The following JADE2 variants were observed in gnomAD, a reference collection of about 807,000 sequenced individuals.
The protein encoded by JADE2 is jade family PHD finger 2.
Under a neutral mutation model 85.7 loss-of-function variants are expected in JADE2, and 13 were observed. That is an observed-to-expected ratio of 0.15 (90% confidence interval 0.10 to 0.24). The LOEUF (loss-of-function observed/expected upper bound fraction) is 0.24. Ranked by LOEUF, JADE2 falls within the 10% of genes least tolerant of loss-of-function variation. JADE2 has a pLI of 1.00. For missense variants in JADE2, 846 were observed against 1,115.9 expected, an observed-to-expected ratio of 0.76 and a Z score of 3.45; for synonymous variants, 440 against 456.1, an observed-to-expected ratio of 0.96 and a Z score of 0.45.
At chr5:134,576,657 G>A (rs1764383032) in intron 10 of JADE2, 111 bp from the exon 11 acceptor site, 2 of 1,302,146 alleles carry the variant, frequency 1.5e-6, no homozygotes, top group Non-Finnish European at 2.1e-6. Flanking sequence ...TGCTGTGGAG[G>A]GTGAGCACTG....
intron 1 of JADE2, among the ~76,000 whole-genome samples, chr5:134,531,500 C>T (rs922429657): frequency 5.3e-5 from 8 of 152,160 alleles, no homozygotes; most frequent in Admixed American, 1.3e-4. Flanking sequence ...TTGCCTTGAA[C>T]TCCTGGGCCC....
rs759463478 is a variant in JADE2, at chr5:134,537,975, TTC to T, written c.59-6_59-5del. 6.2e-7 allele frequency: 1 copy of T among 1,609,890 alleles called. No individual in the cohort carries two copies. The highest frequency in any genetic ancestry group is 2.2e-5 in the East Asian group (1 of 44,842). On this transcript the variant is annotated splice_polypyrimidine_tract_variant and intron_variant, in intron 2 of 11. Transcript: ENST00000681547. ...GCCCTCCAGGACCCCTAATGGACTG[TTC>T]TCTCTCTGCAGGTCATGCGACATCT...
intron 1 of JADE2, among the ~76,000 whole-genome samples, chr5:134,527,190 C>G (rs553331585): frequency 6.6e-6 from 1 of 151,502 alleles, no homozygotes; most frequent in East Asian, 2.0e-4. Context: ...GGCATCTTCC[C>G]GGCCTCACCT....
intron 10 of JADE2, among the ~76,000 whole-genome samples, chr5:134,576,166 T>G (rs925318412): frequency 1.1e-4 from 17 of 152,058 alleles, no homozygotes; most frequent in African/African-American, 4.1e-4. Flanking sequence ...ACTACTGCGC[T>G]CCATCATGGG....
intron 1 of JADE2, among the ~76,000 whole-genome samples, chr5:134,531,330 G>T (rs1460447387): frequency 6.6e-6 from 1 of 152,228 alleles, no homozygotes; most frequent in Non-Finnish European, 1.5e-5. Flanking sequence ...GGGCCAGATT[G>T]TGTAGGGTCT....
At chr5:134,539,698 G>A (rs1761852725) in intron 3 of JADE2, among the ~76,000 whole-genome samples, 1 of 152,264 alleles carries the variant, frequency 6.6e-6, no homozygotes, top group Non-Finnish European at 1.5e-5. Context: ...AAGGCCCAGA[G>A]TTTGGTGGCG....
intron 8 of JADE2, among the ~76,000 whole-genome samples, chr5:134,564,870 C>T (rs1205926684): frequency 2.0e-5 from 3 of 152,150 alleles, no homozygotes; most frequent in Admixed American, 6.6e-5. Context: ...TCTGGCTTTC[C>T]CTGAAAGCAA....
At chr5:134,550,255 G>A (rs535638208) in intron 3 of JADE2, among the ~76,000 whole-genome samples, 1 of 152,264 alleles carries the variant, frequency 6.6e-6, no homozygotes, top group South Asian at 2.1e-4. Flanking sequence ...CAAGAAACTT[G>A]ACCTTTTTCA....
intron 1 of JADE2, among the ~76,000 whole-genome samples, chr5:134,531,958 T>C (rs551477919): frequency 3.9e-5 from 5 of 128,192 alleles, no homozygotes; most frequent in Non-Finnish European, 7.9e-5. Flanking sequence ...TGCAGTAGCA[T>C]AATCACAGCT....
intron 3 of JADE2, among the ~76,000 whole-genome samples, chr5:134,538,389 A>G (rs991187577): frequency 4.6e-5 from 7 of 152,226 alleles, no homozygotes; most frequent in Admixed American, 3.9e-4. Context: ...GCAGTCATCC[A>G]GCAGGGAAAT....
chr5:134,538,897 C>T (rs1048264990), intron 3 of JADE2, among the ~76,000 whole-genome samples: 1 of 151,440 alleles, frequency 6.6e-6, no homozygotes, highest in Admixed American at 6.6e-5. Context: ...CTCTCTGTTC[C>T]CCAGGCTGGA....
At position 134,562,377 on chromosome 5, in the gene JADE2, C is replaced by G; in HGVS notation, c.852+10C>G. ...CCTATGGATTCCTGAGGTGGGTGAGCGTGGAGGTGAGGCAGCCCAAGGAAT... is the reference window on the plus strand; with the variant it reads ...CCTATGGATTCCTGAGGTGGGTGAGGGTGGAGGTGAGGCAGCCCAAGGAAT... On this transcript the variant is annotated intron_variant, in intron 7 of 11. Transcript: ENST00000681547. The surrounding 1 kb of genome is among the most constrained non-coding windows in gnomAD (Gnocchi z 4.6). The G allele has an allele frequency of 6.2e-7, 1 of 1,602,132 alleles. No homozygotes were observed. The highest frequency in any genetic ancestry group is 1.1e-5 in the South Asian group (1 of 90,096).
At chr5:134,527,025 C>T (rs1211131607) in intron 1 of JADE2, among the ~76,000 whole-genome samples, 1 of 152,202 alleles carries the variant, frequency 6.6e-6, no homozygotes, top group Non-Finnish European at 1.5e-5. Context: ...GGGCCCTGCA[C>T]CATGGGTGGT....
At chr5:134,564,743 T>C (rs540910642) in intron 8 of JADE2, 133 bp downstream of exon 8, 2 of 566,470 alleles carry the variant, frequency 3.5e-6, no homozygotes, top group East Asian at 3.2e-5. Context: ...GGTGTGGGAC[T>C]GGGGCCAGAG....
At chr5:134,529,333 C>T (rs1033891778) in intron 1 of JADE2, among the ~76,000 whole-genome samples, 1 of 152,154 alleles carries the variant, frequency 6.6e-6, no homozygotes, top group Non-Finnish European at 1.5e-5. Context: ...CTCAAAGCTC[C>T]TTTCAGACAG....
intron 6 of JADE2, among the ~76,000 whole-genome samples, chr5:134,561,546 G>GTTTGGGA (rs1763324811): frequency 7.9e-6 from 1 of 127,378 alleles, no homozygotes; most frequent in South Asian, 2.4e-4. Flanking sequence ...AAGGCTCTAG[G>GTTTGGGA]TCTTGAGTAT....
At chr5:134,544,439 A>T (rs1394286294) in intron 3 of JADE2, 1 of 167,022 alleles carries the variant, frequency 6.0e-6, no homozygotes, top group Non-Finnish European at 1.5e-5. Context: ...AGCCCTTATC[A>T]TAGAGTTCTG....
Position 134,537,992 on chromosome 5 carries a change from A to G in JADE2, c.62A>G (p.His21Arg). The G allele has an allele frequency of 1.2e-6, 2 of 1,613,872 alleles. No homozygotes were observed. The highest frequency in any genetic ancestry group is 1.1e-5 in the South Asian group (1 of 91,056). The change falls in exon 3 of 12, where the codon CAT (histidine) becomes CGT (arginine). Residue 21 changes from histidine to arginine, a missense_variant. His to Arg is a conservative substitution (Grantham distance 29, BLOSUM62 0). Transcript: ENST00000681547. Reference protein sequence around the residue: ...SSDNSDTTDSHATSTSASRCS... With the variant: ...SSDNSDTTDSRATSTSASRCS... ...ATGGACTGTTCTCTCTCTGCAGGTCATGCGACATCTACATCCGCATCAAGA... is the reference window on the plus strand; with the variant it reads ...ATGGACTGTTCTCTCTCTGCAGGTCGTGCGACATCTACATCCGCATCAAGA...
rs1764606377 is a variant in JADE2, at chr5:134,579,763, C to T, written c.*446C>T. On this transcript the variant is annotated 3_prime_UTR_variant, in exon 12 of 12. Transcript: ENST00000681547. This position sits in a 1 kb window ranked among gnomAD's most constrained non-coding sequence, Gnocchi z 4.6. ...GGGGTCCATTTGGGGGGTCCTGCTA[C>T]ACTCCACCGATCCCCAAGGAAGTAT... is the stretch of plus-strand genomic sequence containing the variant. 1 of 169,030 alleles carries T rather than the reference C, an allele frequency of 5.9e-6. No individual in the cohort carries two copies. Among genetic ancestry groups the T allele is most frequent in the Non-Finnish European group, 1.3e-5 (1 of 78,354 alleles). 10.5% of individuals were successfully genotyped at this position (169,030 alleles called of 1,614,324 possible). A position where few individuals can be genotyped will look rare whatever the true frequency, so the allele number is the denominator to read the frequency against.
Sources: allele counts gnomAD v4.1 joint callset (sites outside exome capture counted in the v4.1 genomes callset), GRCh38; gene constraint gnomAD v4.1.1; non-coding constraint Gnocchi (gnomAD v3.1); transcripts MANE v1.5; gene names NCBI Gene and HGNC (gene_info 2026-07-23, HGNC 2026-07-21).